The following DMD variants were observed in gnomAD, a reference collection of about 807,000 sequenced individuals.
DMD encodes the protein mutant dystrophin.
DMD carries 63 observed loss-of-function variants against 330.1 expected under a neutral mutation model. The ratio of observed to expected loss-of-function variants is 0.19; its 90% CI spans 0.16 to 0.24. The LOEUF is 0.24. Ranked by LOEUF, DMD falls within the 10% of genes least tolerant of loss-of-function variation. The pLI, the probability that DMD is intolerant of heterozygous loss-of-function variation, is 1.00. For missense variants in DMD, 3,344 were observed against 2,684.1 expected, an observed-to-expected ratio of 1.25 and a Z score of -5.43; for synonymous variants, 1,223 against 959.8, an observed-to-expected ratio of 1.27 and a Z score of -5.07.
intron 20 of DMD, among the ~76,000 whole-genome samples, chrX:32,490,338 A>G (rs1373838932): frequency 9.0e-6 from 1 of 111,563 alleles, no homozygotes; most frequent in Non-Finnish European, 1.9e-5. Flanking sequence ...AGTTTAGGCT[A>G]TTTTCATTAT....
intron 2 of DMD, among the ~76,000 whole-genome samples, chrX:32,889,737 G>A (rs1037674290): frequency 2.7e-5 from 3 of 110,459 alleles, no homozygotes; most frequent in African/African-American, 6.6e-5. Context: ...TAACTCCACC[G>A]CCTATCCCAA....
At chrX:32,074,755 C>T (rs962622477) in intron 44 of DMD, among the ~76,000 whole-genome samples, 12 of 103,760 alleles carry the variant, frequency 1.2e-4, no homozygotes, top group African/African-American at 4.0e-4. Context: ...GGAGAAAGCA[C>T]GTACAAGGAG....
chrX:32,907,495 C>T (rs756992798), intron 2 of DMD, among the ~76,000 whole-genome samples: 20 of 111,770 alleles, frequency 1.8e-4, no homozygotes, highest in South Asian at 1.1e-3. Flanking sequence ...GAAATTCAAG[C>T]GGTTCATTGA....
At chrX:31,797,503 C>T (rs559562276) in intron 50 of DMD, among the ~76,000 whole-genome samples, 2 of 111,834 alleles carry the variant, frequency 1.8e-5, no homozygotes, top group East Asian at 5.6e-4. Flanking sequence ...ATACTAATTA[C>T]GTCTTAAATT....
Position 32,468,688 on chromosome X carries a change from T to C in DMD, c.2972A>G (p.Glu991Gly), listed in dbSNP as rs747374618. 8.3e-6 allele frequency: 10 copies of C among 1,209,070 alleles called. No homozygotes were observed. Among genetic ancestry groups the C allele is most frequent in the Non-Finnish European group, 1.1e-5 (10 of 894,725 alleles). ...ELQALQSSLQEQQSGLYYLST... is the reference protein window; with the variant it reads ...ELQALQSSLQGQQSGLYYLST... ...GAGATAGTATAGGCCACTTTGTTGC[T>C]CTTGCAGAGAACTTTGTAAAGCCTA... Residue 991 changes from glutamate (E) to glycine (G), a missense_variant, in exon 23 of 79, where the codon GAG becomes GGG. By Grantham distance (98) the Glu-to-Gly change is moderately conservative (BLOSUM62 -2). Coordinates refer to ENST00000357033, the MANE Select transcript of DMD (RefSeq NM_004006.3).
intron 7 of DMD, among the ~76,000 whole-genome samples, chrX:32,729,482 A>G (rs1296715234): frequency 2.7e-5 from 3 of 111,704 alleles, no homozygotes; most frequent in Admixed American, 1.9e-4. Context: ...CTCTTTTCAA[A>G]CACTGATTCA....
chrX:31,948,095 C>T (rs2095112622), intron 45 of DMD, among the ~76,000 whole-genome samples: 1 of 111,399 alleles, frequency 9.0e-6, no homozygotes, highest in South Asian at 3.8e-4. Flanking sequence ...GTCTCAGACA[C>T]CTCATATAAA....
At chrX:32,411,388 C>T (rs955538863) in intron 30 of DMD, among the ~76,000 whole-genome samples, 1 of 111,173 alleles carries the variant, frequency 9.0e-6, no homozygotes, top group African/African-American at 3.3e-5. Context: ...CTCAGCATCC[C>T]AAAGGGCTGG....
At chrX:31,708,046 T>C (rs1474922215) in intron 52 of DMD, among the ~76,000 whole-genome samples, 2 of 112,272 alleles carry the variant, frequency 1.8e-5, no homozygotes, top group African/African-American at 6.5e-5. Flanking sequence ...TAATGATTTA[T>C]AAATATGTAA....
chrX:32,956,743 A>G (rs1277868492), intron 2 of DMD, among the ~76,000 whole-genome samples: 1 of 111,277 alleles, frequency 9.0e-6, no homozygotes, highest in Non-Finnish European at 1.9e-5. Flanking sequence ...ACTATGTTAA[A>G]TAGGAATGGT....
intron 44 of DMD, among the ~76,000 whole-genome samples, chrX:32,013,850 A>G (rs2095737333): frequency 8.9e-6 from 1 of 112,404 alleles, no homozygotes; most frequent in South Asian, 3.7e-4. Flanking sequence ...GAGATAAACA[A>G]GGAATCCTAG....
At chrX:31,887,390 T>C (rs2094170303) in intron 47 of DMD, among the ~76,000 whole-genome samples, 1 of 110,879 alleles carries the variant, frequency 9.0e-6, no homozygotes, top group African/African-American at 3.2e-5. Flanking sequence ...CTCCAACTTC[T>C]TTAGCCTGCC....
Position 33,128,592 on chromosome X carries a change from C to A in DMD, c.31+82690G>T, listed in dbSNP as rs72470541. On this transcript the variant is annotated intron_variant, in intron 1 of 78. Coordinates refer to ENST00000357033, the MANE Select transcript of DMD (RefSeq NM_004006.3). ...TCTGAAGCAGAAACTGGAAAGTAGACTTAGAGGAGCTGATTATTATGAAGA... is the reference window on the plus strand; with the variant it reads ...TCTGAAGCAGAAACTGGAAAGTAGAATTAGAGGAGCTGATTATTATGAAGA... Among the ~76,000 whole-genome samples the A allele has an allele frequency of 0.018, 1,973 of 111,879 alleles. 50 individuals are homozygous for A. Among genetic ancestry groups the A allele is most frequent in the African/African-American group, 0.061 (1,866 of 30,753 alleles).
intron 11 of DMD, among the ~76,000 whole-genome samples, chrX:32,633,067 T>A (rs988914893): frequency 8.9e-6 from 1 of 112,200 alleles, no homozygotes; most frequent in Non-Finnish European, 1.9e-5. Flanking sequence ...TAAATATACA[T>A]GTATAAATAT....
chrX:31,653,273 C>T (rs889831308), intron 54 of DMD, among the ~76,000 whole-genome samples: 1 of 111,238 alleles, frequency 9.0e-6, no homozygotes, highest in Non-Finnish European at 1.9e-5. Context: ...AAATACAAAA[C>T]AGTATTATAA....
At chrX:33,112,138 T>G (rs2095344110) in intron 1 of DMD, among the ~76,000 whole-genome samples, 1 of 110,957 alleles carries the variant, frequency 9.0e-6, no homozygotes, top group South Asian at 3.8e-4. Context: ...TACAGTACAA[T>G]AAGATATTTT....
chrX:32,642,569 G>C (rs1425777498), intron 11 of DMD, among the ~76,000 whole-genome samples: 4 of 112,013 alleles, frequency 3.6e-5, no homozygotes, highest in Non-Finnish European at 7.5e-5. Context: ...ATCCCTTGAA[G>C]GGGGGAATTT....
intron 44 of DMD, among the ~76,000 whole-genome samples, chrX:32,154,474 C>A (rs1270664338): frequency 8.9e-6 from 1 of 112,175 alleles, no homozygotes; most frequent in African/African-American, 3.2e-5. Flanking sequence ...AAGAAATTTT[C>A]ATCCTAAAAC....
chrX:31,386,826 TA>T (rs2060468431), intron 60 of DMD, among the ~76,000 whole-genome samples: 1 of 111,993 alleles, frequency 8.9e-6, no homozygotes, highest in African/African-American at 3.2e-5. Context: ...AGCTCTGCAG[TA>T]GTTTTTTTAA....
Sources: allele counts gnomAD v4.1 joint callset (sites outside exome capture counted in the v4.1 genomes callset), GRCh38; gene constraint gnomAD v4.1.1; transcripts MANE v1.5; gene names NCBI Gene and HGNC (gene_info 2026-07-23, HGNC 2026-07-21).